RNF145: variants seen among roughly 807,000 people sequenced by gnomAD.
RNF145 encodes the protein ring finger protein 145.
Under a neutral mutation model 57.3 loss-of-function variants are expected in RNF145, and 12 were observed. That is an observed-to-expected ratio of 0.21 (90% CI 0.13 to 0.34). The LOEUF is 0.34. RNF145 is among the 10% of genes least tolerant of loss of function. The pLI is 1.00. For synonymous variants in RNF145, 262 were observed against 288.3 expected (o/e 0.91, Z 0.92); for missense variants, 429 against 799.0 (o/e 0.54, Z 5.58).
At chr5:159,172,777 C>G (rs747342056) in intron 6 of RNF145, among the ~76,000 whole-genome samples, 2 of 152,174 alleles carry the variant, frequency 1.3e-5, no homozygotes, top group African/African-American at 2.4e-5. Context: ...GGATAGTAAA[C>G]TTGTCTTAAA....
rs1439679961 is a variant in RNF145, at chr5:159,158,265, A to C, written c.*405T>G. On this transcript the variant is annotated 3_prime_UTR_variant, in exon 11 of 11. Transcript: ENST00000424310. ...GATTGATCTGTCCCATGGAGAGTGA[A>C]AGTTCAGTTCCACTTCTGCCTCCTT... The C allele has an allele frequency of 4.8e-6, 1 of 210,442 alleles. No homozygotes were observed. The highest frequency in any genetic ancestry group is 1.1e-4 in the East Asian group (1 of 9,208). The allele number at this position is 210,442 out of a possible 1,614,324, so 13.0% of individuals were successfully genotyped here.
Position 159,174,135 on chromosome 5 carries a change from G to T in RNF145, c.645C>A (p.Leu215=). The change falls in exon 6 of 11, where the codon CTC becomes CTA. Residue 215 remains leucine (L), a synonymous_variant. Coordinates refer to ENST00000424310, the MANE Select transcript of RNF145 (RefSeq NM_001199383.2). ...LVQVVEVYGL[L]ALGMSLWNQL... Reference sequence around the variant, plus strand: ...GATTCCACAGGGACATTCCCAAGGCGAGAAGGCCATATACCTCCACTACCT... The same window carrying T: ...GATTCCACAGGGACATTCCCAAGGCTAGAAGGCCATATACCTCCACTACCT... 1.2e-6 allele frequency: 2 copies of T among 1,611,614 alleles called. No homozygotes were observed. The highest frequency in any genetic ancestry group is 2.2e-5 in the East Asian group (1 of 44,826).
At chr5:159,202,308 C>T (rs755550895) in intron 2 of RNF145, among the ~76,000 whole-genome samples, 4 of 152,190 alleles carry the variant, frequency 2.6e-5, no homozygotes, top group African/African-American at 9.7e-5. Flanking sequence ...CTACAACTGA[C>T]GGGAATTACT....
At chr5:159,204,358 C>G (rs1259309178) in intron 1 of RNF145, among the ~76,000 whole-genome samples, 1 of 151,804 alleles carries the variant, frequency 6.6e-6, no homozygotes, top group African/African-American at 2.4e-5. Flanking sequence ...TCTGCAGCCC[C>G]TGTCTCTGCA....
intron 2 of RNF145, among the ~76,000 whole-genome samples, chr5:159,202,536 G>A (rs1007745036): frequency 5.9e-5 from 9 of 152,000 alleles, no homozygotes; most frequent in African/African-American, 2.2e-4. Context: ...GGATGTAAGG[G>A]GAACGTTCTC....
intron 3 of RNF145, among the ~76,000 whole-genome samples, chr5:159,192,801 G>A (rs748857543): frequency 2.6e-5 from 4 of 152,216 alleles, no homozygotes; most frequent in Non-Finnish European, 5.9e-5. Context: ...CCTGGAATTT[G>A]AACCTATCCA....
chr5:159,182,062 A>C lies in RNF145; in HGVS notation c.294-11T>G, dbSNP rs757061683. On this transcript the variant is annotated splice_polypyrimidine_tract_variant and intron_variant, in intron 3 of 10. Transcript: ENST00000424310. ...CTCCGAACATAGTCCCTAAATAAGA[A>C]AATTGATTAGAATGTATATATTAGA... 69 of 1,505,656 alleles carry C rather than the reference A, an allele frequency of 4.6e-5. No individual in the cohort carries two copies. In the South Asian group the frequency reaches 7.6e-4, roughly 17 times the overall value. The allele number at this position is 1,505,656 out of a possible 1,614,324, so 93.3% of individuals were successfully genotyped here.
intron 1 of RNF145, chr5:159,208,067 A>G (rs935066441): frequency 8.7e-6 from 13 of 1,489,110 alleles, no homozygotes; most frequent in Admixed American, 4.5e-5. Flanking sequence ...ACGCAAGGCC[A>G]TCCACTAATC....
At chr5:159,177,641 T>A (rs1784759634) in intron 4 of RNF145, among the ~76,000 whole-genome samples, 1 of 152,054 alleles carries the variant, frequency 6.6e-6, no homozygotes. Flanking sequence ...ATAAACTACT[T>A]GGAACACATT....
rs563126129 is a variant in RNF145, at chr5:159,162,595, C to T, written c.1269+337G>A. Among the ~76,000 whole-genome samples, 8 of 151,490 alleles carry T rather than the reference C, an allele frequency of 5.3e-5. No homozygotes were observed. The South Asian group carries it at 6.3e-4, about 12-fold the overall frequency. On this transcript the variant is annotated intron_variant, in intron 9 of 10. Coordinates refer to ENST00000424310, the MANE Select transcript of RNF145 (RefSeq NM_001199383.2). ...GACTACAGGCGCCCGCCACCGCGCCCGGCTAATTTTTTGTATTTTTAGTAG... is the reference window on the plus strand; with the variant it reads ...GACTACAGGCGCCCGCCACCGCGCCTGGCTAATTTTTTGTATTTTTAGTAG...
rs371313345 is a variant in RNF145, at chr5:159,203,715, T to C, written c.-39-59A>G. On this transcript the variant is annotated intron_variant, in intron 1 of 10. Transcript: ENST00000424310. ...AAAGTCAACACAAATCGCTTTTAGA[T>C]ACCCTTTCACGAATCTAATAGGTTG... The C allele has an allele frequency of 3.4e-5, 39 of 1,137,526 alleles. No individual in the cohort carries two copies. In the African/African-American group the frequency reaches 3.9e-4, roughly 11 times the overall value. The allele number at this position is 1,137,526 out of a possible 1,614,324, so 70.5% of individuals were successfully genotyped here. A position where few individuals can be genotyped will look rare whatever the true frequency, so the allele number is the denominator to read the frequency against.
chr5:159,166,694 C>T (rs1317262878), intron 8 of RNF145, among the ~76,000 whole-genome samples: 1 of 152,178 alleles, frequency 6.6e-6, no homozygotes, highest in Non-Finnish European at 1.5e-5. Context: ...CTTAAGCCAA[C>T]ATTACAAATG....
rs149813861 is a variant in RNF145, at chr5:159,190,413, C to T, written c.293+4303G>A. On this transcript the variant is annotated intron_variant, in intron 3 of 10. Coordinates refer to ENST00000424310, the MANE Select transcript of RNF145 (RefSeq NM_001199383.2). ...AAAAAAAAATACCTGGGGCCAGGCA[C>T]AGTGACTCATACCTGTAATCCCAAA... 1.2e-4 allele frequency among the ~76,000 whole-genome samples: 19 copies of T among 152,178 alleles called. No individual in the cohort carries two copies. The East Asian group carries it at 3.7e-3, about 29-fold the overall frequency.
intron 3 of RNF145, among the ~76,000 whole-genome samples, chr5:159,184,288 T>C (rs746613952): frequency 5.9e-5 from 9 of 152,224 alleles, no homozygotes; most frequent in Non-Finnish European, 8.8e-5. Flanking sequence ...TTTAAAAACT[T>C]TGTCTTTCTT....
At chr5:159,165,142 G>A (rs1230756336) in intron 8 of RNF145, among the ~76,000 whole-genome samples, 3 of 151,998 alleles carry the variant, frequency 2.0e-5, no homozygotes, top group East Asian at 1.9e-4. Flanking sequence ...ATTAACTATT[G>A]TCAATAATGT....
At chr5:159,171,154 T>C (rs2113117421) in intron 6 of RNF145, among the ~76,000 whole-genome samples, 1 of 152,332 alleles carries the variant, frequency 6.6e-6, no homozygotes, top group African/African-American at 2.4e-5. Flanking sequence ...TGGTGGCTAA[T>C]AACTAGAAAA....
At chr5:159,198,530 G>A (rs1414281400) in intron 2 of RNF145, among the ~76,000 whole-genome samples, 1 of 152,104 alleles carries the variant, frequency 6.6e-6, no homozygotes, top group Non-Finnish European at 1.5e-5. Flanking sequence ...ATCTGTGGGT[G>A]ACTAGTTGAG....
chr5:159,167,034 T>C (rs1784413030), intron 8 of RNF145, among the ~76,000 whole-genome samples: 1 of 152,202 alleles, frequency 6.6e-6, no homozygotes, highest in Non-Finnish European at 1.5e-5. Context: ...GCCTGTAATA[T>C]CATCTGGCTC....
chr5:159,203,443 G>C lies in RNF145; in HGVS notation c.175C>G (p.His59Asp). 1 of 1,599,510 alleles carries C rather than the reference G, an allele frequency of 6.3e-7. No homozygotes were observed. The highest frequency in any genetic ancestry group is 8.6e-7 in the Non-Finnish European group (1 of 1,166,720). Reference sequence around the variant, plus strand: ...TGATGTAGACACTCACCTACATAATGCATATTAAGAGCCAAATACTTATAC... The same window carrying C: ...TGATGTAGACACTCACCTACATAATCCATATTAAGAGCCAAATACTTATAC... ...FQYKYLALNM[H>D]YVGYILSVVL... Residue 59 changes from histidine (H) to aspartate (D), a missense_variant, in exon 2 of 11, where the codon CAT (histidine) becomes GAT (aspartate). By Grantham distance (81) the His-to-Asp change is moderately conservative (BLOSUM62 -1). This residue lies in a region of RNF145 where 109 missense variants were observed against 207.2 expected (regional missense o/e 0.53). Coordinates refer to ENST00000424310, the MANE Select transcript of RNF145 (RefSeq NM_001199383.2).
Sources: gnomAD v4.1 joint callset for allele counts (sites outside exome capture counted in the v4.1 genomes callset) on GRCh38, gnomAD v4.1.1 for gene constraint, gnomAD v4.1.1 regional missense constraint, MANE v1.5 for transcripts, NCBI Gene and HGNC (gene_info 2026-07-23, HGNC 2026-07-21) for gene names.